Variants in TMC1 observed in about 807,000 individuals in gnomAD.
TMC1 encodes transmembrane channel-like protein 1.
Under a neutral mutation model 105.8 loss-of-function variants are expected in TMC1, and 84 were observed. That is an observed-to-expected ratio of 0.79 (90% confidence interval 0.67 to 0.95). The LOEUF (loss-of-function observed/expected upper bound fraction) is 0.95. Ranked by LOEUF, TMC1 falls within the 40% of genes least tolerant of loss-of-function variation. TMC1 has a pLI of 0.00. For synonymous variants in TMC1, 315 were observed against 311.5 expected (o/e 1.01, Z -0.12); for missense variants, 817 against 914.1 (o/e 0.89, Z 1.37).
intron 13 of TMC1, 77 bp from the exon 14 acceptor site, chr9:72,788,262 A>C: frequency 6.6e-7 from 1 of 1,516,168 alleles, no homozygotes; most frequent in Admixed American, 1.7e-5. Context: ...CCACTTCAAC[A>C]CTCATGATCA....
intron 1 of TMC1, among the ~76,000 whole-genome samples, chr9:72,537,159 A>C (rs1353984681): frequency 6.6e-6 from 1 of 152,178 alleles, no homozygotes; most frequent in African/African-American, 2.4e-5. Flanking sequence ...CAGCATCCTG[A>C]GGCAGCACAG....
At chr9:72,548,679 A>G (rs988384922) in intron 1 of TMC1, among the ~76,000 whole-genome samples, 1 of 151,996 alleles carries the variant, frequency 6.6e-6, no homozygotes, top group Admixed American at 6.5e-5. Context: ...TCTACAATTG[A>G]CAGTGCATGT....
intron 2 of TMC1, among the ~76,000 whole-genome samples, chr9:72,579,567 C>A (rs1249306056): frequency 7.2e-5 from 11 of 152,192 alleles, no homozygotes; most frequent in Non-Finnish European, 1.6e-4. Context: ...TTTCCTGGAG[C>A]CCCTCTTGGG....
At chr9:72,598,672 C>G (rs1824759125) in intron 2 of TMC1, among the ~76,000 whole-genome samples, 1 of 152,026 alleles carries the variant, frequency 6.6e-6, no homozygotes, top group South Asian at 2.1e-4. Context: ...CTAGGAAGGC[C>G]CAACTAATTT....
chr9:72,791,987 A>C lies in TMC1; in HGVS notation c.1326A>C (p.Leu442=), dbSNP rs1263158796. ...DYHPLIALKW[L]LGRIFALLLG... is the part of the protein sequence containing the mutation. The stretch of plus-strand genomic sequence containing the variant: ...ATCCTCTCATCGCTTTGAAATGGCT[A>C]CTGGGACGCATTTTTGCTCTTCTTT... The change falls in exon 16 of 24, where the codon CTA becomes CTC. Residue 442 remains leucine (L), a synonymous_variant. Coordinates refer to ENST00000297784, the MANE Select transcript of TMC1 (RefSeq NM_138691.3). The C allele has an allele frequency of 6.2e-7, 1 of 1,614,060 alleles. No homozygotes were observed. The highest frequency in any genetic ancestry group is 1.1e-5 in the South Asian group (1 of 91,072).
intron 18 of TMC1, among the ~76,000 whole-genome samples, 154 bp downstream of exon 18, chr9:72,805,664 T>C (rs539456375): frequency 3.2e-4 from 48 of 151,916 alleles, no homozygotes; most frequent in Middle Eastern, 3.4e-3. Context: ...CAAAGGTCTC[T>C]GGTTTTCCTA....
chr9:72,593,647 C>T (rs528773140), intron 2 of TMC1, among the ~76,000 whole-genome samples: 1 of 151,960 alleles, frequency 6.6e-6, no homozygotes, highest in South Asian at 2.1e-4. Context: ...CCACCTCGGC[C>T]TCCCAAAGTG....
intron 8 of TMC1, among the ~76,000 whole-genome samples, chr9:72,715,541 G>A (rs766153915): frequency 6.6e-6 from 1 of 151,622 alleles, no homozygotes; most frequent in Non-Finnish European, 1.5e-5. Flanking sequence ...CCTTTCTTCT[G>A]CTTGATCGAT....
intron 13 of TMC1, among the ~76,000 whole-genome samples, chr9:72,781,760 AG>A (rs1828096893): frequency 6.6e-6 from 1 of 152,198 alleles, no homozygotes. Flanking sequence ...AGATTGAACC[AG>A]GAAGAAATTG....
At chr9:72,553,663 A>C (rs1415197858) in intron 1 of TMC1, among the ~76,000 whole-genome samples, 2 of 152,102 alleles carry the variant, frequency 1.3e-5, no homozygotes, top group Non-Finnish European at 2.9e-5. Context: ...TTTTAAATTT[A>C]TCTCTTCTGT....
intron 4 of TMC1, among the ~76,000 whole-genome samples, chr9:72,648,045 T>G (rs1294741325): frequency 2.0e-5 from 3 of 152,232 alleles, no homozygotes; most frequent in Admixed American, 1.3e-4. Flanking sequence ...ATAGCAAGTT[T>G]TACTTTCAGA....
At chr9:72,624,932 A>G (rs1825320035) in intron 3 of TMC1, among the ~76,000 whole-genome samples, 1 of 152,242 alleles carries the variant, frequency 6.6e-6, no homozygotes, top group East Asian at 1.9e-4. Context: ...ACCTAGGAAA[A>G]GGTACAAAAA....
Position 72,574,600 on chromosome 9 carries a change from G to A in TMC1, c.-427-3302G>A, listed in dbSNP as rs75866692. ...GATCAACTGGAAAATGTCAGAGGGC[G>A]ATTGTAAAAGGCCACCTGCTAACCA... On this transcript the variant is annotated intron_variant, in intron 1 of 23. Transcript: ENST00000297784. Among the ~76,000 whole-genome samples the A allele has an allele frequency of 1.9e-3, 295 of 152,304 alleles. 3 individuals are homozygous for A. The highest frequency in any genetic ancestry group is 2.9e-3 in the Non-Finnish European group (198 of 68,022).
intron 2 of TMC1, among the ~76,000 whole-genome samples, chr9:72,582,209 A>C (rs6560294): frequency 1.3e-5 from 2 of 152,014 alleles, no homozygotes; most frequent in African/African-American, 4.8e-5. Context: ...CACCCGCCTC[A>C]GTCTCCCAAA....
chr9:72,694,794 T>C (rs779955332), intron 7 of TMC1, 80 bp downstream of exon 7: 244 of 1,449,852 alleles, frequency 1.7e-4, no homozygotes, highest in Non-Finnish European at 2.2e-4. Flanking sequence ...GACCTTAAAA[T>C]TGGTAATTAA....
chr9:72,688,509 A>G (rs1255692353), intron 5 of TMC1, among the ~76,000 whole-genome samples, 200 bp from the exon 6 acceptor site: 1 of 152,184 alleles, frequency 6.6e-6, no homozygotes, highest in Admixed American at 6.5e-5. Flanking sequence ...AGATTATGAA[A>G]TAGAAAAATC....
At chr9:72,662,185 CT>C (rs1213271935) in intron 5 of TMC1, among the ~76,000 whole-genome samples, 3 of 139,306 alleles carry the variant, frequency 2.2e-5, no homozygotes, top group Non-Finnish European at 4.6e-5. Flanking sequence ...TTTTCTTTTT[CT>C]TTTTCTTTTT....
intron 8 of TMC1, among the ~76,000 whole-genome samples, chr9:72,713,488 G>T (rs1446674165): frequency 6.6e-6 from 1 of 152,064 alleles, no homozygotes; most frequent in African/African-American, 2.4e-5. Context: ...ACTTCTTCCT[G>T]GTTCAGTTTT....
chr9:72,830,604 T>G, intron 22 of TMC1, 27 bp from the exon 23 acceptor site: 1 of 1,612,370 alleles, frequency 6.2e-7, no homozygotes, highest in Non-Finnish European at 8.5e-7. Context: ...GAAATCTACT[T>G]TTTTCCCCTT....
Sources: allele counts gnomAD v4.1 joint callset (sites outside exome capture counted in the v4.1 genomes callset), GRCh38; gene constraint gnomAD v4.1.1; transcripts MANE v1.5; gene names NCBI Gene and HGNC (gene_info 2026-07-23, HGNC 2026-07-21).